Variants in MANEA observed in about 807,000 individuals in gnomAD.
The protein encoded by MANEA is glycoprotein endo-alpha-1,2-mannosidase.
A neutral mutation model predicts 36.8 loss-of-function variants in MANEA; 25 were observed. That is an observed-to-expected ratio of 0.68 (90% CI 0.50 to 0.95). MANEA has a LOEUF of 0.95. MANEA is among the 40% of genes least tolerant of loss of function. MANEA has a pLI of 0.00. For synonymous variants in MANEA, 198 were observed against 188.5 expected, an observed-to-expected ratio of 1.05 and a Z score of -0.41; for missense variants, 565 against 558.8, an observed-to-expected ratio of 1.01 and a Z score of -0.11.
At position 95,587,243 on chromosome 6, in the gene MANEA, A is replaced by C. The variant is rs572960931; in HGVS notation, c.544+260A>C. ...GATTTCTAATTTAATTCACTTTCTCAATTTTATTAAATTATGATTTACATA... is the reference window on the plus strand; with the variant it reads ...GATTTCTAATTTAATTCACTTTCTCCATTTTATTAAATTATGATTTACATA... On this transcript the variant is annotated intron_variant, in intron 2 of 4. Coordinates refer to ENST00000358812, the MANE Select transcript of MANEA (RefSeq NM_024641.4). 1.3e-5 allele frequency: 5 copies of C among 397,254 alleles called. No individual in the cohort carries two copies. The East Asian group carries it at 2.2e-4, about 17-fold the overall frequency. 24.6% of individuals were successfully genotyped at this position (397,254 alleles called of 1,614,324 possible). A position where few individuals can be genotyped will look rare whatever the true frequency, so the allele number is the denominator to read the frequency against.
Position 95,609,226 on chromosome 6 carries a change from TAA to T in MANEA, c.*2822_*2823del, listed in dbSNP as rs1223053019. On this transcript the variant is annotated 3_prime_UTR_variant, in exon 5 of 5. Coordinates refer to ENST00000358812, the MANE Select transcript of MANEA (RefSeq NM_024641.4). ...GCATGAATCATAATGGATTCTTTTA[TAA>T]GTTATTAATTTTTATGGTTTAATCA... The T allele has an allele frequency of 6.6e-6, 1 of 151,750 alleles. No homozygotes were observed. Among genetic ancestry groups the T allele is most frequent in the Non-Finnish European group, 1.5e-5 (1 of 67,678 alleles). 9.4% of individuals were successfully genotyped at this position (151,750 alleles called of 1,614,324 possible). A position where few individuals can be genotyped will look rare whatever the true frequency, so the allele number is the denominator to read the frequency against.
chr6:95,588,597 T>G (rs1769330950), intron 2 of MANEA, among the ~76,000 whole-genome samples: 1 of 151,950 alleles, frequency 6.6e-6, no homozygotes, highest in Non-Finnish European at 1.5e-5. Flanking sequence ...TTCTATTGTT[T>G]ACAAAAAATT....
chr6:95,601,812 A>G (rs371432060), intron 3 of MANEA, among the ~76,000 whole-genome samples: 1 of 124,606 alleles, frequency 8.0e-6, no homozygotes, highest in South Asian at 2.8e-4. Context: ...TAAATTTAGT[A>G]TGTTATTTTA....
intron 2 of MANEA, 122 bp from the exon 3 acceptor site, chr6:95,596,615 C>A (rs892017321): frequency 7.5e-5 from 41 of 548,932 alleles, no homozygotes; most frequent in Non-Finnish European, 1.3e-4. Context: ...AGGAACTTAA[C>A]AAAACCACCT....
In MANEA at chr6:95,608,419, C is replaced by T. The variant is rs1769756983; in HGVS notation, c.*2014C>T. ...TATAAAAACAAGGTTAGCATATTCT[C>T]AACACAGATACCACCACTTTCTTTT... On this transcript the variant is annotated 3_prime_UTR_variant, in exon 5 of 5. Transcript: ENST00000358812. The T allele has an allele frequency of 6.6e-6, 1 of 151,874 alleles. No homozygotes were observed. Among genetic ancestry groups the T allele is most frequent in the South Asian group, 2.1e-4 (1 of 4,824 alleles). 9.4% of individuals were successfully genotyped at this position (151,874 alleles called of 1,614,324 possible).
At position 95,605,908 on chromosome 6, in the gene MANEA, CT is replaced by C. The variant is rs774618176; in HGVS notation, c.893del (p.Leu298ArgfsTer7). 37 of 1,613,958 alleles carry C rather than the reference CT, an allele frequency of 2.3e-5. No homozygotes were observed. The South Asian group carries it at 3.8e-4, about 17-fold the overall frequency. ...RSIRNSPYDGLFIALLVEEKH... is the reference protein window; with the variant it reads ...RSIRNSPYDGXFIALLVEEKH... ...TATTCGCAATTCTCCTTATGATGGA[CT>C]GTTTATTGCCCTTCTGGTAGAAGAA... On this transcript the variant is annotated frameshift_variant, in exon 5 of 5. Transcript: ENST00000358812. LOFTEE classifies it high-confidence loss of function.
intron 1 of MANEA, among the ~76,000 whole-genome samples, chr6:95,581,457 T>C (rs1441491479): frequency 6.6e-6 from 1 of 152,176 alleles, no homozygotes; most frequent in Non-Finnish European, 1.5e-5. Context: ...TATTCATGAG[T>C]GTATCCAGAA....
intron 1 of MANEA, among the ~76,000 whole-genome samples, chr6:95,579,388 A>G (rs746678044): frequency 6.6e-6 from 1 of 152,104 alleles, no homozygotes; most frequent in Non-Finnish European, 1.5e-5. Flanking sequence ...AAAACAAAAC[A>G]AAACAAAAAA....
At chr6:95,587,534 A>G (rs12661585) in intron 2 of MANEA, among the ~76,000 whole-genome samples, 13,889 of 152,160 alleles carry the variant, frequency 0.091, 1,327 homozygotes, top group East Asian at 0.39. Flanking sequence ...AGAGTCATTC[A>G]GCATTTGTAT....
chr6:95,578,283 T>C (rs1769109998), intron 1 of MANEA, among the ~76,000 whole-genome samples: 1 of 152,176 alleles, frequency 6.6e-6, no homozygotes, highest in Non-Finnish European at 1.5e-5. Context: ...TGTTCCTTTT[T>C]CCAAAGAAGC....
chr6:95,582,327 G>A (rs1320973909), intron 1 of MANEA, among the ~76,000 whole-genome samples: 1 of 151,874 alleles, frequency 6.6e-6, no homozygotes, highest in African/African-American at 2.4e-5. Context: ...GGGACTACAG[G>A]TGCCCACCAC....
chr6:95,598,618 T>A (rs1769529442), intron 3 of MANEA, among the ~76,000 whole-genome samples: 1 of 152,176 alleles, frequency 6.6e-6, no homozygotes, highest in South Asian at 2.1e-4. Flanking sequence ...TCTGTCCCAT[T>A]CTGTTGTTTT....
intron 2 of MANEA, among the ~76,000 whole-genome samples, chr6:95,594,213 A>C (rs1769444625): frequency 6.6e-6 from 1 of 152,232 alleles, no homozygotes; most frequent in African/African-American, 2.4e-5. Flanking sequence ...TAGTCTAGTA[A>C]GTGGAATTTT....
At chr6:95,601,715 G>GTTT (rs1769594423) in intron 3 of MANEA, among the ~76,000 whole-genome samples, 1 of 72,634 alleles carries the variant, frequency 1.4e-5, no homozygotes, top group African/African-American at 5.4e-5. Flanking sequence ...CAGATTCAGT[G>GTTT]ATTTTTTTTT....
At chr6:95,597,388 G>C (rs1769501334) in intron 3 of MANEA, among the ~76,000 whole-genome samples, 1 of 151,876 alleles carries the variant, frequency 6.6e-6, no homozygotes, top group South Asian at 2.1e-4. Context: ...ATTTCTTTTA[G>C]AAATTAATGA....
intron 2 of MANEA, among the ~76,000 whole-genome samples, chr6:95,593,818 T>G (rs895373408): frequency 1.3e-5 from 2 of 151,542 alleles, no homozygotes; most frequent in African/African-American, 4.9e-5. Context: ...GAGGCCGAGG[T>G]GGGAGGATCA....
chr6:95,583,579 A>G (rs1286190380), intron 1 of MANEA, among the ~76,000 whole-genome samples: 1 of 152,154 alleles, frequency 6.6e-6, no homozygotes, highest in Non-Finnish European at 1.5e-5. Context: ...GACAAAATAC[A>G]GTTAACTTTA....
Position 95,586,929 on chromosome 6 carries a change from CG to C in MANEA, c.493del (p.Asp165IlefsTer5). ...TCCTGAATTGGGAAGTTACAGTTCTCGGGATCCTTCTGTCATAGAAACTCAC... is the reference window on the plus strand; with the variant it reads ...TCCTGAATTGGGAAGTTACAGTTCTCGGATCCTTCTGTCATAGAAACTCAC... Reference protein sequence around the residue: ...FYPELGSYSSRDPSVIETHMR... With the variant: ...FYPELGSYSSXDPSVIETHMR... On this transcript the variant is annotated frameshift_variant, in exon 2 of 5. Transcript: ENST00000358812. LOFTEE classifies it high-confidence loss of function. 6.2e-7 allele frequency: 1 copy of C among 1,612,826 alleles called. No homozygotes were observed. Among genetic ancestry groups the C allele is most frequent in the Non-Finnish European group, 8.5e-7 (1 of 1,179,310 alleles).
chr6:95,602,875 C>T (rs1769620523), intron 3 of MANEA, among the ~76,000 whole-genome samples: 1 of 150,234 alleles, frequency 6.7e-6, no homozygotes, highest in Admixed American at 6.6e-5. Flanking sequence ...AAAAAATTAG[C>T]CGGGCGCGGT....
Sources: allele counts gnomAD v4.1 joint callset (sites outside exome capture counted in the v4.1 genomes callset), GRCh38; gene constraint gnomAD v4.1.1; transcripts MANE v1.5; gene names NCBI Gene and HGNC (gene_info 2026-07-23, HGNC 2026-07-21).